Variants in ANP32E observed in about 807,000 individuals in gnomAD.
The protein encoded by ANP32E is acidic leucine-rich nuclear phosphoprotein 32 family member E.
Under a neutral mutation model 35.3 loss-of-function variants are expected in ANP32E, and 14 were observed. The observed-to-expected ratio is 0.40, with a 90% CI of 0.26 to 0.62. ANP32E has a LOEUF of 0.62. ANP32E is among the 20% of genes least tolerant of loss of function. The pLI, the probability that ANP32E is intolerant of heterozygous loss-of-function variation, is 0.45. For missense variants in ANP32E, 198 were observed against 304.4 expected, an observed-to-expected ratio of 0.65 and a Z score of 2.60; for synonymous variants, 89 against 110.4, an observed-to-expected ratio of 0.81 and a Z score of 1.22.
At chr1:150,232,360 A>AAAT (rs1201482344) in intron 1 of ANP32E, among the ~76,000 whole-genome samples, 59,006 of 132,160 alleles carry the variant, frequency 0.45, 17,101 homozygotes, top group Middle Eastern at 0.6. Flanking sequence ...AAAAAAAAAT[A>AAAT]ACAACACAAC....
Position 150,235,868 on chromosome 1 carries a change from G to T in ANP32E, c.-82C>A. 1 of 989,826 alleles carries T rather than the reference G, an allele frequency of 1.0e-6. No homozygotes were observed. The highest frequency in any genetic ancestry group is 2.6e-5 in the East Asian group (1 of 38,826). 61.3% of individuals were successfully genotyped at this position (989,826 alleles called of 1,614,324 possible). On this transcript the variant is annotated 5_prime_UTR_variant, in exon 1 of 7. Coordinates refer to ENST00000583931, the MANE Select transcript of ANP32E (RefSeq NM_030920.5). The surrounding 1 kb of genome is among the most constrained non-coding windows in gnomAD (Gnocchi z 4.2). ...TACCCCCAACCCAAAATTTTTAAGA[G>T]ATTTAGAAATGAATGAAAAGGAACG...
At position 150,235,880 on chromosome 1, in the gene ANP32E, A is replaced by G; in HGVS notation, c.-94T>C. 1 of 869,156 alleles carries G rather than the reference A, an allele frequency of 1.2e-6. No homozygotes were observed. The highest frequency in any genetic ancestry group is 1.9e-6 in the Non-Finnish European group (1 of 539,346). 53.8% of individuals were successfully genotyped at this position (869,156 alleles called of 1,614,324 possible). On this transcript the variant is annotated 5_prime_UTR_variant, in exon 1 of 7. Transcript: ENST00000583931. This position sits in a 1 kb window ranked among gnomAD's most constrained non-coding sequence, Gnocchi z 4.2. ...AAAATTTTTAAGAGATTTAGAAATG[A>G]ATGAAAAGGAACGCAAATATAAACG...
rs1000421211 is a variant in ANP32E at position 150,228,125 on chromosome 1, T to C, written c.493+947A>G. On this transcript the variant is annotated intron_variant, in intron 4 of 6. Transcript: ENST00000583931. ...TTTTGTTTGCTTTTTTGTTTTGTTTTTGAGACAGAGTCTAACTCTGTCGCC... is the reference window on the plus strand; with the variant it reads ...TTTTGTTTGCTTTTTTGTTTTGTTTCTGAGACAGAGTCTAACTCTGTCGCC... Among the ~76,000 whole-genome samples the C allele has an allele frequency of 4.6e-5, 7 of 151,798 alleles. 1 individual carries two copies. Among genetic ancestry groups the C allele is most frequent in the Admixed American group, 3.9e-4 (6 of 15,208 alleles).
Position 150,220,676 on chromosome 1 carries a change from T to C in ANP32E, c.*15A>G, listed in dbSNP as rs1648271879. 6.2e-7 allele frequency: 1 copy of C among 1,612,594 alleles called. No individual in the cohort carries two copies. The highest frequency in any genetic ancestry group is 1.3e-5 in the African/African-American group (1 of 75,016). On this transcript the variant is annotated 3_prime_UTR_variant, in exon 7 of 7. Coordinates refer to ENST00000583931, the MANE Select transcript of ANP32E (RefSeq NM_030920.5). ...GCACACCCAGAAACATTAGAGAATC[T>C]GGTCTTAGAATGATCTAGTCATCTT...
chr1:150,229,243 A>G lies in ANP32E; in HGVS notation c.328-6T>C. 1.3e-6 allele frequency: 2 copies of G among 1,529,222 alleles called. No homozygotes were observed. The highest frequency in any genetic ancestry group is 1.8e-6 in the Non-Finnish European group (2 of 1,128,658). The allele number at this position is 1,529,222 out of a possible 1,614,324, so 94.7% of individuals were successfully genotyped here. A position where few individuals can be genotyped will look rare whatever the true frequency, so the allele number is the denominator to read the frequency against. ...TTCAAATTTTTAAGATTTTGCTGGA[A>G]AAGTAAAGTTAAAACTTACATTCAA... On this transcript the variant is annotated splice_region_variant and splice_polypyrimidine_tract_variant and intron_variant, in intron 3 of 6. Coordinates refer to ENST00000583931, the MANE Select transcript of ANP32E (RefSeq NM_030920.5).
chr1:150,232,540 G>A (rs1213769591), intron 1 of ANP32E, among the ~76,000 whole-genome samples: 3 of 141,328 alleles, frequency 2.1e-5, no homozygotes, highest in Non-Finnish European at 3.0e-5. Context: ...GCACGATCTC[G>A]GCTCACTGTA....
Position 150,226,758 on chromosome 1 carries a change from T to C in ANP32E, c.531A>G (p.Glu177=). 6.2e-7 allele frequency: 1 copy of C among 1,600,100 alleles called. No individual in the cohort carries two copies. Among genetic ancestry groups the C allele is most frequent in the Non-Finnish European group, 8.6e-7 (1 of 1,169,564 alleles). The stretch of plus-strand genomic sequence containing the variant: ...CCTCATATCCTTCCGGTGGACCAGC[T>C]TCATTTTCCTCTTCCTCTTCATCAT... The part of the protein sequence containing the change: ...DEDDEEEEEN[E]AGPPEGYEEE... Residue 177 remains glutamate, a synonymous_variant, in exon 5 of 7, where the codon GAA becomes GAG. Coordinates refer to ENST00000583931, the MANE Select transcript of ANP32E (RefSeq NM_030920.5).
At chr1:150,232,358 AT>A (rs1560005433) in intron 1 of ANP32E, among the ~76,000 whole-genome samples, 2 of 406 alleles carry the variant, frequency 4.9e-3, no homozygotes, top group Non-Finnish European at 0.014. Context: ...AAAAAAAAAA[AT>A]AACAACACAA....
chr1:150,233,008 T>C (rs754555529), intron 1 of ANP32E, among the ~76,000 whole-genome samples: 20 of 151,218 alleles, frequency 1.3e-4, no homozygotes, highest in Middle Eastern at 3.2e-3. Context: ...CTCACGCCTG[T>C]AATCCCAGCA....
chr1:150,228,731 T>C (rs1004604047), intron 4 of ANP32E, among the ~76,000 whole-genome samples: 3 of 151,900 alleles, frequency 2.0e-5, no homozygotes, highest in Non-Finnish European at 2.9e-5. Flanking sequence ...CATCAGTTGA[T>C]AAACACTTGG....
chr1:150,236,050 A>C lies in ANP32E; in HGVS notation c.-264T>G. The C allele has an allele frequency of 4.1e-6, 2 of 493,286 alleles. No homozygotes were observed. The highest frequency in any genetic ancestry group is 7.4e-6 in the Non-Finnish European group (2 of 270,968). The allele number at this position is 493,286 out of a possible 1,614,324, so 30.6% of individuals were successfully genotyped here. On this transcript the variant is annotated 5_prime_UTR_variant, in exon 1 of 7. The change abolishes an upstream ATG in the 5' untranslated region. Coordinates refer to ENST00000583931, the MANE Select transcript of ANP32E (RefSeq NM_030920.5). ...CACACGCACGCACGCGCGCACACAC[A>C]TACACACACACATACACACACACAC... is the stretch of plus-strand genomic sequence containing the variant.
chr1:150,222,684 A>G (rs935417732), intron 6 of ANP32E, among the ~76,000 whole-genome samples: 3 of 151,420 alleles, frequency 2.0e-5, no homozygotes, highest in Non-Finnish European at 4.4e-5. Flanking sequence ...CCTGAGCCCA[A>G]GGAGATTGAG....
intron 5 of ANP32E, among the ~76,000 whole-genome samples, chr1:150,224,365 G>A (rs1447572448): frequency 6.6e-6 from 1 of 152,068 alleles, no homozygotes; most frequent in Non-Finnish European, 1.5e-5. Context: ...CTGAGGTCAG[G>A]AGTTCAAGAC....
At chr1:150,232,628 T>A (rs113613310) in intron 1 of ANP32E, among the ~76,000 whole-genome samples, 13,510 of 151,422 alleles carry the variant, frequency 0.089, 838 homozygotes, top group Non-Finnish European at 0.13. Flanking sequence ...ATGCCACCAC[T>A]CCCGGCTAAT....
In ANP32E at chr1:150,219,297, T is replaced by C. The variant is rs782147216; in HGVS notation, c.*1394A>G. On this transcript the variant is annotated 3_prime_UTR_variant, in exon 7 of 7. Coordinates refer to ENST00000583931, the MANE Select transcript of ANP32E (RefSeq NM_030920.5). ...GGAGCCTCCATAGCAAAAGAGGAGA[T>C]ATACTTGTATACTCATTATATTTTA... 1.3e-5 allele frequency: 2 copies of C among 152,152 alleles called. No individual in the cohort carries two copies. Among genetic ancestry groups the C allele is most frequent in the Non-Finnish European group, 2.9e-5 (2 of 68,020 alleles). The allele number at this position is 152,152 out of a possible 1,614,324, so 9.4% of individuals were successfully genotyped here.
At chr1:150,229,369 C>T (rs1440296996) in intron 3 of ANP32E, 132 bp from the exon 4 acceptor site, 3 of 568,932 alleles carry the variant, frequency 5.3e-6, no homozygotes, top group South Asian at 2.3e-5. Flanking sequence ...ACGATCTCTG[C>T]TCACTGCAAC....
chr1:150,227,079 A>C (rs7535712), intron 4 of ANP32E, among the ~76,000 whole-genome samples: 41,046 of 152,058 alleles, frequency 0.27, 5,993 homozygotes, highest in East Asian at 0.51. Flanking sequence ...CTTTGTGAAC[A>C]CTTCAAAACT....
intron 6 of ANP32E, 21 bp downstream of exon 6, chr1:150,223,165 T>C: frequency 6.7e-7 from 1 of 1,491,354 alleles, no homozygotes. Context: ...TTATAATTTG[T>C]TTATGGCTAA....
At chr1:150,223,681 C>CT (rs1491202991) in intron 5 of ANP32E, among the ~76,000 whole-genome samples, 2 of 76,760 alleles carry the variant, frequency 2.6e-5, no homozygotes, top group African/African-American at 1.1e-4. Context: ...GGCTTCATCT[C>CT]AAAAAAAAAA....
Sources: gnomAD v4.1 joint callset for allele counts (sites outside exome capture counted in the v4.1 genomes callset) on GRCh38, gnomAD v4.1.1 for gene constraint, Gnocchi (gnomAD v3.1) non-coding constraint, MANE v1.5 for transcripts, NCBI Gene and HGNC (gene_info 2026-07-23, HGNC 2026-07-21) for gene names.